The following AGTR1 variants were observed in gnomAD, a reference collection of about 807,000 sequenced individuals.
AGTR1 encodes the protein angiotensin II receptor type 1.
AGTR1 carries 16 observed loss-of-function variants against 19.4 expected under a neutral mutation model. That is an observed-to-expected ratio of 0.82 (90% CI 0.56 to 1.25). The LOEUF (loss-of-function observed/expected upper bound fraction) is 1.25. Among genes scored for constraint, AGTR1 ranks in the 50% most tolerant of loss-of-function variants. AGTR1 has a pLI of 0.00. For missense variants in AGTR1, 373 were observed against 431.9 expected (o/e 0.86, Z 1.21); for synonymous variants, 153 against 154.9 (o/e 0.99, Z 0.09).
At chr3:148,715,483 G>A (rs900477427) in intron 2 of AGTR1, among the ~76,000 whole-genome samples, 6 of 151,994 alleles carry the variant, frequency 3.9e-5, no homozygotes, top group Non-Finnish European at 8.8e-5. Context: ...CCCCCAAACG[G>A]GTAGCTGCCT....
intron 2 of AGTR1, chr3:148,739,740 C>A (rs971305480): frequency 1.4e-5 from 17 of 1,224,100 alleles, no homozygotes; most frequent in Non-Finnish European, 1.7e-5. Flanking sequence ...TCCTGAATGC[C>A]AAGCACAACC....
At chr3:148,739,229 C>T (rs1312655399) in intron 2 of AGTR1, among the ~76,000 whole-genome samples, 2 of 152,058 alleles carry the variant, frequency 1.3e-5, no homozygotes, top group Non-Finnish European at 2.9e-5. Flanking sequence ...CATGATGGTA[C>T]ACACTGGTAG....
rs769268162 is a variant in AGTR1 at position 148,716,027 on chromosome 3, G to A, written c.-48+8000G>A. Among the ~76,000 whole-genome samples the A allele has an allele frequency of 1.3e-5, 2 of 152,076 alleles. No homozygotes were observed. The highest frequency in any genetic ancestry group is 2.9e-5 in the Non-Finnish European group (2 of 68,022). ...CATACTTAAATGCTATGCAACAGTG[G>A]CACTTACCCCCAAACCGTATCCTAT... On this transcript the variant is annotated intron_variant, in intron 2 of 2. Transcript: ENST00000349243. The surrounding 1 kb of genome is among the most constrained non-coding windows in gnomAD (Gnocchi z 4.7).
At position 148,720,516 on chromosome 3, in the gene AGTR1, A is replaced by G. The variant is rs2107946555; in HGVS notation, c.-48+12489A>G. On this transcript the variant is annotated intron_variant, in intron 2 of 2. Transcript: ENST00000349243. ...AAATAATATATTAACAAGCTGTAGCATAGAGGGAGTACATAAATTATCATC... is the reference window on the plus strand; with the variant it reads ...AAATAATATATTAACAAGCTGTAGCGTAGAGGGAGTACATAAATTATCATC... Among the ~76,000 whole-genome samples the G allele has an allele frequency of 3.3e-5, 5 of 152,334 alleles. No individual in the cohort carries two copies. In the South Asian group the frequency reaches 1.0e-3, roughly 32 times the overall value.
At chr3:148,704,901 A>G (rs1290437531) in intron 1 of AGTR1, among the ~76,000 whole-genome samples, 1 of 152,254 alleles carries the variant, frequency 6.6e-6, no homozygotes, top group Non-Finnish European at 1.5e-5. Context: ...CCTTGAATCT[A>G]GAACTGTAGA....
chr3:148,730,807 T>A (rs1346859680), intron 2 of AGTR1, among the ~76,000 whole-genome samples: 1 of 152,188 alleles, frequency 6.6e-6, no homozygotes, highest in Non-Finnish European at 1.5e-5. Context: ...TTCTGGGTGA[T>A]GCTGATGCTG....
At chr3:148,710,330 A>C (rs1255483590) in intron 2 of AGTR1, among the ~76,000 whole-genome samples, 1 of 152,124 alleles carries the variant, frequency 6.6e-6, no homozygotes, top group Non-Finnish European at 1.5e-5. Context: ...AATATATAGG[A>C]TTCAATGTTT....
chr3:148,719,466 T>A lies in AGTR1; in HGVS notation c.-48+11439T>A, dbSNP rs186952218. Among the ~76,000 whole-genome samples the A allele has an allele frequency of 3.9e-5, 6 of 152,366 alleles. 1 individual carries two copies. Among genetic ancestry groups the A allele is most frequent in the African/African-American group, 1.4e-4 (6 of 41,598 alleles). On this transcript the variant is annotated intron_variant, in intron 2 of 2. Transcript: ENST00000349243. ...TGTGAACAGAGCTGCTAGATCTCTGTATTATATGAAACATATATTTTTGTA... is the reference window on the plus strand; with the variant it reads ...TGTGAACAGAGCTGCTAGATCTCTGAATTATATGAAACATATATTTTTGTA...
At chr3:148,699,028 C>A (rs1712158785) in intron 1 of AGTR1, among the ~76,000 whole-genome samples, 1 of 152,012 alleles carries the variant, frequency 6.6e-6, no homozygotes, top group Non-Finnish European at 1.5e-5. Context: ...GGCTATTGAG[C>A]CCACCTGGGC....
At chr3:148,732,542 A>G (rs1479277353) in intron 2 of AGTR1, among the ~76,000 whole-genome samples, 1 of 152,132 alleles carries the variant, frequency 6.6e-6, no homozygotes, top group Non-Finnish European at 1.5e-5. Flanking sequence ...AATATAGAAT[A>G]TTATTAAATT....
At chr3:148,737,750 T>C (rs6801836) in intron 2 of AGTR1, among the ~76,000 whole-genome samples, 39,299 of 152,014 alleles carry the variant, frequency 0.26, 5,618 homozygotes, top group African/African-American at 0.39. Flanking sequence ...AATTTGTTTC[T>C]TTATTGGGCA....
At chr3:148,731,849 T>TA (rs1387671312) in intron 2 of AGTR1, among the ~76,000 whole-genome samples, 1 of 152,190 alleles carries the variant, frequency 6.6e-6, no homozygotes, top group Non-Finnish European at 1.5e-5. Flanking sequence ...TAAAGAACTA[T>TA]AATGCATACA....
Position 148,741,078 on chromosome 3 carries a change from C to A in AGTR1, c.43C>A (p.Gln15Lys). 2.5e-6 allele frequency: 4 copies of A among 1,613,792 alleles called. No individual in the cohort carries two copies. Among genetic ancestry groups the A allele is most frequent in the Non-Finnish European group, 2.5e-6 (3 of 1,179,838 alleles). The change falls in exon 3 of 3, where the codon CAA becomes AAA. Residue 15 changes from glutamine (Q) to lysine (K), a missense_variant. Gln to Lys is a moderately conservative substitution (Grantham distance 53). Transcript: ENST00000349243. ...TACTGAAGATGGTATTAAAAGAATC[C>A]AAGATGATTGTCCCAAAGCTGGAAG... The part of the protein sequence containing the change: ...SSTEDGIKRI[Q>K]DDCPKAGRHN...
intron 2 of AGTR1, among the ~76,000 whole-genome samples, chr3:148,717,162 T>C (rs1245974229): frequency 6.6e-6 from 1 of 152,144 alleles, no homozygotes; most frequent in Admixed American, 6.5e-5. Context: ...ATTGCCTTTG[T>C]ATTGTTGTTG....
intron 1 of AGTR1, among the ~76,000 whole-genome samples, chr3:148,706,924 A>G (rs1341318452): frequency 1.3e-5 from 2 of 152,018 alleles, no homozygotes; most frequent in Non-Finnish European, 2.9e-5. Flanking sequence ...TATACAAACA[A>G]TTTGGTTCAA....
At chr3:148,711,098 C>T (rs1396129839) in intron 2 of AGTR1, among the ~76,000 whole-genome samples, 2 of 152,140 alleles carry the variant, frequency 1.3e-5, no homozygotes, top group African/African-American at 4.8e-5. Context: ...TATAGCAACA[C>T]AAGAATAGAC....
At chr3:148,729,645 A>G (rs1397548863) in intron 2 of AGTR1, among the ~76,000 whole-genome samples, 12 of 152,200 alleles carry the variant, frequency 7.9e-5, no homozygotes, top group Admixed American at 7.2e-4. Context: ...TTGGCCTGGC[A>G]TCGGTGTCTC....
At chr3:148,711,354 G>T (rs1023016537) in intron 2 of AGTR1, among the ~76,000 whole-genome samples, 1 of 152,056 alleles carries the variant, frequency 6.6e-6, no homozygotes, top group African/African-American at 2.4e-5. Flanking sequence ...AAGCATCAAG[G>T]GTTTGAAATA....
At chr3:148,720,012 A>G (rs1048943196) in intron 2 of AGTR1, among the ~76,000 whole-genome samples, 1 of 152,192 alleles carries the variant, frequency 6.6e-6, no homozygotes, top group Non-Finnish European at 1.5e-5. Context: ...GGAATCTGTT[A>G]TTGAAGTTTT....
Sources: allele counts gnomAD v4.1 joint callset (sites outside exome capture counted in the v4.1 genomes callset), GRCh38; gene constraint gnomAD v4.1.1; non-coding constraint Gnocchi (gnomAD v3.1); transcripts MANE v1.5; gene names NCBI Gene and HGNC (gene_info 2026-07-23, HGNC 2026-07-21).